Variants in MCPH1 observed in about 807,000 individuals in gnomAD.
MCPH1 encodes the protein microcephalin 1, also known as microcephalin.
MCPH1 carries 104 observed loss-of-function variants against 84.5 expected under a neutral mutation model. The ratio of observed to expected loss-of-function variants is 1.23; its 90% CI spans 1.05 to 1.45. The LOEUF is 1.45. Among genes scored for constraint, MCPH1 ranks in the 40% most tolerant of loss-of-function variants. The pLI, the probability that MCPH1 is intolerant of heterozygous loss-of-function variation, is 0.00. For missense variants in MCPH1, 1,498 were observed against 1,005.7 expected, an observed-to-expected ratio of 1.49 and a Z score of -6.62; for synonymous variants, 514 against 366.8, an observed-to-expected ratio of 1.40 and a Z score of -4.58.
chr8:6,516,349 G>A (rs1816268639), intron 12 of MCPH1, among the ~76,000 whole-genome samples: 1 of 152,138 alleles, frequency 6.6e-6, no homozygotes, highest in Non-Finnish European at 1.5e-5. Context: ...ATTTTTGAAA[G>A]GAGAAAAGAT....
chr8:6,458,602 A>G lies in MCPH1; in HGVS notation c.1935+3350A>G, dbSNP rs144183166. On this transcript the variant is annotated intron_variant, in intron 9 of 13. Transcript: ENST00000344683. ...TTTATTATTTTACAGGTTAGAAGGA[A>G]GAATGATATAAATTTCTTAAAAGGT... 2.3e-3 allele frequency among the ~76,000 whole-genome samples: 343 copies of G among 152,304 alleles called. 4 individuals carry two copies. Among genetic ancestry groups the G allele is most frequent in the African/African-American group, 8.0e-3 (331 of 41,574 alleles).
chr8:6,469,857 C>G (rs1450662613), intron 9 of MCPH1, among the ~76,000 whole-genome samples: 1 of 152,224 alleles, frequency 6.6e-6, no homozygotes, highest in African/African-American at 2.4e-5. Flanking sequence ...TCCCTCATCT[C>G]TACTCCTTTA....
chr8:6,406,689 G>C lies in MCPH1; in HGVS notation c.22G>C (p.Asp8His). ...TGTCATGGCGGCCCCCATCCTGAAAGGTGAGGTACTTCCTGCTGCCTGCTC... is the reference window on the plus strand; with the variant it reads ...TGTCATGGCGGCCCCCATCCTGAAACGTGAGGTACTTCCTGCTGCCTGCTC... Reference protein sequence around the residue: MAAPILKDVVAYVEVWSS... With the variant: MAAPILKHVVAYVEVWSS... The change falls in exon 1 of 14, where the codon GAT becomes CAT. Residue 8 changes from aspartate (D) to histidine (H), a missense_variant and splice_region_variant. Coordinates refer to ENST00000344683, the MANE Select transcript of MCPH1 (RefSeq NM_024596.5). The C allele has an allele frequency of 6.2e-7, 1 of 1,612,214 alleles. No homozygotes were observed. The highest frequency in any genetic ancestry group is 8.5e-7 in the Non-Finnish European group (1 of 1,179,552).
At chr8:6,477,887 T>G (rs994003054) in intron 10 of MCPH1, among the ~76,000 whole-genome samples, 6 of 152,234 alleles carry the variant, frequency 3.9e-5, no homozygotes, top group African/African-American at 1.4e-4. Flanking sequence ...GCTTGCTTGA[T>G]ACCAAATAGC....
chr8:6,412,140 G>C (rs1033487296), intron 2 of MCPH1, among the ~76,000 whole-genome samples: 3 of 152,208 alleles, frequency 2.0e-5, no homozygotes, highest in African/African-American at 7.2e-5. Flanking sequence ...CCTGTCTTGA[G>C]TAAGAGGTCA....
intron 12 of MCPH1, among the ~76,000 whole-genome samples, chr8:6,506,953 A>G (rs1813851088): frequency 6.6e-6 from 1 of 151,104 alleles, no homozygotes; most frequent in Non-Finnish European, 1.5e-5. Flanking sequence ...GCTGGATTGT[A>G]CTGGTGCGAT....
At chr8:6,526,730 T>C (rs1166094800) in intron 12 of MCPH1, among the ~76,000 whole-genome samples, 2 of 152,150 alleles carry the variant, frequency 1.3e-5, no homozygotes, top group Non-Finnish European at 2.9e-5. Context: ...AATTGTGAAA[T>C]AGGATATATT....
At chr8:6,443,857 T>G (rs1803866526) in intron 7 of MCPH1, among the ~76,000 whole-genome samples, 1 of 152,222 alleles carries the variant, frequency 6.6e-6, no homozygotes, top group Admixed American at 6.5e-5. Flanking sequence ...AGCTTAGCAT[T>G]ACTCTCAGGA....
intron 12 of MCPH1, among the ~76,000 whole-genome samples, chr8:6,578,938 G>A (rs144958407): frequency 6.2e-4 from 94 of 152,266 alleles, no homozygotes; most frequent in Admixed American, 2.8e-3. Flanking sequence ...CATGTTTTTC[G>A]TTCATAAATG....
In MCPH1 at chr8:6,611,150, T is replaced by A. The variant is rs1019054556; in HGVS notation, c.2215-10304T>A. Among the ~76,000 whole-genome samples, 71 of 134,056 alleles carry A rather than the reference T, an allele frequency of 5.3e-4. No individual in the cohort carries two copies. In the South Asian group the frequency reaches 0.016, roughly 29 times the overall value. 87.9% of individuals were successfully genotyped at this position (134,056 alleles called of 152,430 possible). On this transcript the variant is annotated intron_variant, in intron 12 of 13. Transcript: ENST00000344683. Reference sequence around the variant, plus strand: ...CACACTCACACACACACACACACACTCAGAAAACACTTCTGACACCAAATG... The same window carrying A: ...CACACTCACACACACACACACACACACAGAAAACACTTCTGACACCAAATG...
intron 9 of MCPH1, among the ~76,000 whole-genome samples, chr8:6,465,327 G>A (rs962397574): frequency 4.6e-5 from 7 of 152,154 alleles, no homozygotes; most frequent in South Asian, 2.1e-4. Context: ...AGTCCCTCTC[G>A]TTTAGGCAGC....
At chr8:6,499,714 A>C in intron 11 of MCPH1, 138 bp from the exon 12 acceptor site, 1 of 724,142 alleles carries the variant, frequency 1.4e-6, no homozygotes, top group East Asian at 2.5e-5. Flanking sequence ...TTCTGAAGGG[A>C]CTTTGTTGTC....
At chr8:6,629,610 A>G (rs773894507) in intron 13 of MCPH1, among the ~76,000 whole-genome samples, 18 of 152,194 alleles carry the variant, frequency 1.2e-4, no homozygotes, top group Non-Finnish European at 2.4e-4. Context: ...AACCCCTGTG[A>G]CACCTTGGTC....
At chr8:6,409,599 A>G (rs954570245) in intron 2 of MCPH1, among the ~76,000 whole-genome samples, 10 of 152,166 alleles carry the variant, frequency 6.6e-5, no homozygotes, top group African/African-American at 2.2e-4. Context: ...GAAATGCTGG[A>G]TTCTTACACT....
In MCPH1 at chr8:6,466,043, C is replaced by T. The variant is rs1267060764; in HGVS notation, c.1935+10791C>T. 3.3e-5 allele frequency among the ~76,000 whole-genome samples: 5 copies of T among 151,840 alleles called. 1 individual carries two copies. The highest frequency in any genetic ancestry group is 1.2e-4 in the African/African-American group (5 of 41,330). ...TATCTTGGCTCACTGCAACCTCTGC[C>T]TCCCCAGTTCAAGTGATTCTTGTGC... On this transcript the variant is annotated intron_variant, in intron 9 of 13. Transcript: ENST00000344683.
At position 6,491,796 on chromosome 8, in the gene MCPH1, G is replaced by A. The variant is rs913468148; in HGVS notation, c.2137-8056G>A. Among the ~76,000 whole-genome samples, 10 of 151,748 alleles carry A rather than the reference G, an allele frequency of 6.6e-5. 1 individual carries two copies. The highest frequency in any genetic ancestry group is 2.4e-4 in the African/African-American group (10 of 41,088). On this transcript the variant is annotated intron_variant, in intron 11 of 13. Transcript: ENST00000344683. Reference sequence around the variant, plus strand: ...CCAGCTTCATCCATGTCCCTACAAAGGACATGAACTCATCATATTTTATGG... The same window carrying A: ...CCAGCTTCATCCATGTCCCTACAAAAGACATGAACTCATCATATTTTATGG...
chr8:6,612,770 G>A (rs1046846555), intron 12 of MCPH1, among the ~76,000 whole-genome samples: 2 of 152,240 alleles, frequency 1.3e-5, no homozygotes, highest in African/African-American at 4.8e-5. Context: ...AGCTGGTGGT[G>A]CCTCTGAGAA....
intron 13 of MCPH1, among the ~76,000 whole-genome samples, chr8:6,632,552 G>A (rs563971877): frequency 8.5e-5 from 13 of 152,296 alleles, no homozygotes; most frequent in African/African-American, 2.9e-4. Context: ...ACTCATGCCT[G>A]TAATCCCAAC....
chr8:6,514,285 G>T (rs1376401082), intron 12 of MCPH1, among the ~76,000 whole-genome samples: 2 of 152,166 alleles, frequency 1.3e-5, no homozygotes, highest in Non-Finnish European at 2.9e-5. Flanking sequence ...TGCCTCCCAG[G>T]TTCAAGCGAT....
Sources: allele counts gnomAD v4.1 joint callset (sites outside exome capture counted in the v4.1 genomes callset), GRCh38; gene constraint gnomAD v4.1.1; transcripts MANE v1.5; gene names NCBI Gene and HGNC (gene_info 2026-07-23, HGNC 2026-07-21).